DENND1B: variants seen among roughly 807,000 people sequenced by gnomAD.
The protein encoded by DENND1B is DENN domain-containing protein 1B.
Under a neutral mutation model 90.1 loss-of-function variants are expected in DENND1B, and 59 were observed. That is an observed-to-expected ratio of 0.65 (90% confidence interval 0.53 to 0.81). The LOEUF is 0.81. Ranked by LOEUF, DENND1B falls within the 40% of genes least tolerant of loss-of-function variation. The probability of loss-of-function intolerance (pLI) is 0.00; values close to 1 mark genes in which losing one functional copy is unlikely to be tolerated. For missense variants in DENND1B, 862 were observed against 912.6 expected (o/e 0.94, Z 0.71); for synonymous variants, 337 against 324.6 (o/e 1.04, Z -0.41).
At chr1:197,586,139 C>A (rs571905445) in intron 14 of DENND1B, among the ~76,000 whole-genome samples, 29 of 152,202 alleles carry the variant, frequency 1.9e-4, no homozygotes, top group African/African-American at 6.7e-4. Context: ...TCTTCACTCT[C>A]ATTTTCTCCT....
intron 15 of DENND1B, among the ~76,000 whole-genome samples, chr1:197,557,834 A>T (rs759275670): frequency 6.6e-6 from 1 of 151,854 alleles, no homozygotes; most frequent in Non-Finnish European, 1.5e-5. Context: ...ATAACTCTGG[A>T]GCATTTCATA....
At position 197,511,921 on chromosome 1, in the gene DENND1B, T is replaced by C. The variant is rs755227359; in HGVS notation, c.1622A>G (p.Glu541Gly). ...ASKLSSEDGE[E>G]ASAYLYESDD... ...ACTCTCATAGAGATAAGCAGAAGCTTCTTCACCATCTTCAGAAGATAACCT... is the reference window on the plus strand; with the variant it reads ...ACTCTCATAGAGATAAGCAGAAGCTCCTTCACCATCTTCAGAAGATAACCT... Residue 541 changes from glutamate (E) to glycine (G), a missense_variant, in exon 22 of 23, where the codon GAA (glutamate) becomes GGA (glycine). Transcript: ENST00000620048. 1.9e-6 allele frequency: 3 copies of C among 1,605,390 alleles called. No individual in the cohort carries two copies. Among genetic ancestry groups the C allele is most frequent in the African/African-American group, 2.7e-5 (2 of 74,550 alleles).
chr1:197,734,490 A>C, intron 2 of DENND1B: 4 of 977,196 alleles, frequency 4.1e-6, no homozygotes, highest in Non-Finnish European at 4.9e-6. Flanking sequence ...TTACAACCAC[A>C]TTTAATAAGC....
intron 5 of DENND1B, 66 bp from the exon 6 acceptor site, chr1:197,658,435 C>T (rs1473312212): frequency 1.2e-5 from 13 of 1,064,384 alleles, no homozygotes; most frequent in Admixed American, 1.9e-5. Flanking sequence ...ACAATATAAA[C>T]ATTTAATTCA....
At chr1:197,737,601 C>A (rs1413069988) in intron 2 of DENND1B, among the ~76,000 whole-genome samples, 1 of 152,132 alleles carries the variant, frequency 6.6e-6, no homozygotes, top group African/African-American at 2.4e-5. Flanking sequence ...ATAGGAGATT[C>A]TCCTACTTAA....
intron 2 of DENND1B, among the ~76,000 whole-genome samples, chr1:197,751,061 G>T (rs1405608249): frequency 6.6e-6 from 1 of 152,026 alleles, no homozygotes; most frequent in South Asian, 2.1e-4. Context: ...AACATAAAAG[G>T]TTCGAAAAGC....
chr1:197,679,093 T>C (rs750900589), intron 3 of DENND1B, among the ~76,000 whole-genome samples: 1 of 151,998 alleles, frequency 6.6e-6, no homozygotes, highest in Non-Finnish European at 1.5e-5. Flanking sequence ...AAAATAAATT[T>C]ATATTATTAG....
intron 3 of DENND1B, among the ~76,000 whole-genome samples, chr1:197,675,770 C>T (rs921094709): frequency 1.3e-5 from 2 of 152,056 alleles, no homozygotes; most frequent in African/African-American, 4.8e-5. Flanking sequence ...TAAAATTGTC[C>T]ACATAATTTC....
At chr1:197,621,527 A>G (rs766206188) in intron 10 of DENND1B, among the ~76,000 whole-genome samples, 143 of 151,592 alleles carry the variant, frequency 9.4e-4, no homozygotes, top group African/African-American at 3.4e-3. Flanking sequence ...GCCAAGTAAG[A>G]AGAATCTTAT....
intron 13 of DENND1B, among the ~76,000 whole-genome samples, chr1:197,598,464 A>G (rs1404120056): frequency 1.3e-5 from 2 of 151,874 alleles, no homozygotes; most frequent in African/African-American, 4.8e-5. Context: ...ACCAGTTACC[A>G]ATGCCCTTTG....
At chr1:197,540,898 G>A (rs899311278) in intron 19 of DENND1B, 61 bp downstream of exon 19, 1 of 1,460,374 alleles carries the variant, frequency 6.8e-7, no homozygotes, top group Non-Finnish European at 9.5e-7. Flanking sequence ...TAATTTGGAA[G>A]TATAAACTTC....
At chr1:197,552,936 T>A in intron 16 of DENND1B, 86 bp downstream of exon 16, 2 of 1,533,072 alleles carry the variant, frequency 1.3e-6, no homozygotes, top group South Asian at 2.6e-5. Context: ...TAGTTGTTTA[T>A]GAAATAGGTT....
chr1:197,676,726 T>G (rs1005473812), intron 3 of DENND1B, among the ~76,000 whole-genome samples: 1 of 152,120 alleles, frequency 6.6e-6, no homozygotes, highest in African/African-American at 2.4e-5. Flanking sequence ...AAAGAGGTAA[T>G]AATACATATT....
At chr1:197,515,120 A>T (rs188040669) in intron 20 of DENND1B, among the ~76,000 whole-genome samples, 1 of 151,786 alleles carries the variant, frequency 6.6e-6, no homozygotes, top group African/African-American at 2.4e-5. Context: ...AAGCAAATTT[A>T]TGGAACCTAT....
chr1:197,549,548 T>C (rs985338571), intron 16 of DENND1B, among the ~76,000 whole-genome samples: 2 of 152,076 alleles, frequency 1.3e-5, no homozygotes, highest in African/African-American at 4.8e-5. Context: ...AAACTAGTTT[T>C]ATTTTAAATG....
Position 197,658,935 on chromosome 1 carries a change from T to C in DENND1B, c.297-566A>G, listed in dbSNP as rs557558212. On this transcript the variant is annotated intron_variant, in intron 5 of 22. Transcript: ENST00000620048. Reference sequence around the variant, plus strand: ...CAAATATAATTCAAAATTTAATTCATTGTACTAGATAAAACTATAATTTTT... The same window carrying C: ...CAAATATAATTCAAAATTTAATTCACTGTACTAGATAAAACTATAATTTTT... 2.6e-5 allele frequency among the ~76,000 whole-genome samples: 4 copies of C among 151,026 alleles called. No individual in the cohort carries two copies. In the South Asian group the frequency reaches 8.4e-4, roughly 32 times the overall value.
intron 3 of DENND1B, among the ~76,000 whole-genome samples, chr1:197,679,969 G>T (rs1656508187): frequency 6.6e-6 from 1 of 151,380 alleles, no homozygotes; most frequent in Non-Finnish European, 1.5e-5. Flanking sequence ...GGGCAACATG[G>T]TGAAACCCTG....
At chr1:197,768,245 C>T (rs1347365153) in intron 2 of DENND1B, among the ~76,000 whole-genome samples, 3 of 151,260 alleles carry the variant, frequency 2.0e-5, no homozygotes, top group African/African-American at 7.3e-5. Flanking sequence ...CTTCCTCCTC[C>T]TCCTCCCTTT....
chr1:197,702,351 G>T (rs1386230248), intron 3 of DENND1B, among the ~76,000 whole-genome samples: 1 of 152,070 alleles, frequency 6.6e-6, no homozygotes, highest in Non-Finnish European at 1.5e-5. Context: ...TTCTACTTGG[G>T]TATGTTTTTT....
Sources: allele counts gnomAD v4.1 joint callset (sites outside exome capture counted in the v4.1 genomes callset), GRCh38; gene constraint gnomAD v4.1.1; transcripts MANE v1.5; gene names NCBI Gene and HGNC (gene_info 2026-07-23, HGNC 2026-07-21).